Variants in ATP7A observed in about 807,000 individuals in gnomAD.
The protein encoded by ATP7A is ATPase copper transporting alpha, also known as copper-transporting ATPase 1.
In ATP7A, 7 loss-of-function variants were observed where a neutral mutation model predicts 83.5. The ratio of observed to expected loss-of-function variants is 0.08; its 90% confidence interval spans 0.05 to 0.16. ATP7A has a LOEUF of 0.16. Ranked by LOEUF, ATP7A falls within the 10% of genes least tolerant of loss-of-function variation. The pLI, the probability that ATP7A is intolerant of heterozygous loss-of-function variation, is 1.00. For missense variants in ATP7A, 940 were observed against 1,120.8 expected (o/e 0.84, Z 2.30); for synonymous variants, 354 against 395.2 (o/e 0.90, Z 1.24).
chrX:77,914,229 TATTA>T (rs1299556745), intron 1 of ATP7A, among the ~76,000 whole-genome samples: 4 of 110,280 alleles, frequency 3.6e-5, no homozygotes, highest in South Asian at 3.7e-4. Context: ...GCTACTTATT[TATTA>T]ATTAATTATT....
intron 1 of ATP7A, chrX:77,966,927 G>A (rs781980903): frequency 2.1e-5 from 6 of 289,013 alleles, no homozygotes; most frequent in South Asian, 6.2e-5. Flanking sequence ...AGCAGGCTCC[G>A]GTGTGTGATG....
chrX:77,931,009 C>CTTTTTTTTTTTTT (rs11379657), intron 1 of ATP7A, among the ~76,000 whole-genome samples: 19 of 67,245 alleles, frequency 2.8e-4, no homozygotes, highest in East Asian at 4.8e-4. Context: ...TTTTTTTTAC[C>CTTTTTTTTTTTTT]TTTTTTTTTA....
At chrX:77,948,645 A>G in intron 1 of ATP7A, among the ~76,000 whole-genome samples, 1 of 111,464 alleles carries the variant, frequency 9.0e-6, no homozygotes, top group East Asian at 2.8e-4. Context: ...CCATGGCTTT[A>G]TAGGGCAAAC....
intron 1 of ATP7A, chrX:77,963,278 G>A (rs1249381640): frequency 5.2e-5 from 6 of 115,708 alleles, no homozygotes; most frequent in African/African-American, 1.9e-4. Context: ...ATGGACCAAG[G>A]GAGATAACTT....
chrX:77,993,204 A>T (rs782658130), intron 4 of ATP7A, among the ~76,000 whole-genome samples: 6 of 112,264 alleles, frequency 5.3e-5, no homozygotes, highest in African/African-American at 1.9e-4. Flanking sequence ...TTTCATGTTC[A>T]AATGTGGTAT....
intron 14 of ATP7A, among the ~76,000 whole-genome samples, chrX:78,027,186 G>T (rs1417977371): frequency 9.1e-6 from 1 of 109,719 alleles, no homozygotes; most frequent in African/African-American, 3.3e-5. Context: ...CTGATGACAT[G>T]ATTCTATACC....
intron 6 of ATP7A, among the ~76,000 whole-genome samples, chrX:78,008,824 C>A (rs782668517): frequency 9.2e-6 from 1 of 109,117 alleles, no homozygotes; most frequent in Non-Finnish European, 1.9e-5. Flanking sequence ...ACCAGCCTGG[C>A]CAACATGGTG....
chrX:77,951,368 C>G (rs1557226789), intron 1 of ATP7A, among the ~76,000 whole-genome samples: 1 of 111,348 alleles, frequency 9.0e-6, no homozygotes, highest in Non-Finnish European at 1.9e-5. Flanking sequence ...TGTTCTTTAA[C>G]TTGGAATTAA....
At chrX:78,030,554 A>C (rs2077976543) in intron 15 of ATP7A, among the ~76,000 whole-genome samples, 1 of 111,179 alleles carries the variant, frequency 9.0e-6, no homozygotes, top group South Asian at 3.7e-4. Flanking sequence ...AAAATCAATA[A>C]ATTAATATTG....
chrX:77,968,410 CCATGCAGATTA>C (rs2077522662), intron 1 of ATP7A, among the ~76,000 whole-genome samples: 1 of 112,321 alleles, frequency 8.9e-6, no homozygotes, highest in African/African-American at 3.2e-5. Flanking sequence ...TGTCACATCA[CCATGCAGATTA>C]CATTCATCTT....
At chrX:77,944,719 C>T (rs906510100) in intron 1 of ATP7A, among the ~76,000 whole-genome samples, 2 of 110,932 alleles carry the variant, frequency 1.8e-5, no homozygotes, top group African/African-American at 6.6e-5. Context: ...CTACCCTGCT[C>T]TCTCACTTGT....
At position 78,038,838 on chromosome X, in the gene ATP7A, G is replaced by A. The variant is rs1557237993; in HGVS notation, c.3514G>A (p.Ala1172Thr). Residue 1172 changes from alanine (A) to threonine (T), a missense_variant and splice_region_variant, in exon 18 of 23, where the codon GCT becomes ACT. Coordinates refer to ENST00000341514, the MANE Select transcript of ATP7A (RefSeq NM_000052.7). ...SMIIDAQISN[A>T]LNAQQYKVLI... Reference sequence around the variant, plus strand: ...GTTATTTCTGTGCCTACTTTCAGATGCTCTTAATGCTCAGCAGTATAAAGT... The same window carrying A: ...GTTATTTCTGTGCCTACTTTCAGATACTCTTAATGCTCAGCAGTATAAAGT... 3.3e-6 allele frequency: 4 copies of A among 1,209,713 alleles called. No individual in the cohort carries two copies. The highest frequency in any genetic ancestry group is 3.5e-5 in the South Asian group (2 of 56,816).
At chrX:77,934,692 T>C (rs1557224906) in intron 1 of ATP7A, among the ~76,000 whole-genome samples, 1 of 110,464 alleles carries the variant, frequency 9.1e-6, no homozygotes, top group Non-Finnish European at 1.9e-5. Flanking sequence ...ACTCTAAAAG[T>C]TTCAGATTTT....
chrX:78,030,343 GC>G (rs782763117), intron 15 of ATP7A, among the ~76,000 whole-genome samples: 1 of 109,790 alleles, frequency 9.1e-6, no homozygotes, highest in African/African-American at 3.3e-5. Context: ...AATCGCTTGA[GC>G]CCGGAGGGCA....
chrX:78,011,239 C>G lies in ATP7A; in HGVS notation c.1933C>G (p.Arg645Gly). The G allele has an allele frequency of 8.3e-7, 1 of 1,208,225 alleles. No homozygotes were observed. The highest frequency in any genetic ancestry group is 1.1e-6 in the Non-Finnish European group (1 of 892,728). The part of the protein sequence containing the change: ...DRSASHLDHK[R>G]EIRQWRRSFL... The stretch of plus-strand genomic sequence containing the variant: ...GTCAGCAAGTCACTTAGATCATAAA[C>G]GAGAAATAAGACAGTAAGTACTTTG... Residue 645 changes from arginine to glycine, a missense_variant, in exon 8 of 23, where the codon CGA becomes GGA. By Grantham distance (125) the Arg-to-Gly change is moderately radical (BLOSUM62 -2). Transcript: ENST00000341514.
At chrX:77,945,582 G>A (rs1169031260) in intron 1 of ATP7A, among the ~76,000 whole-genome samples, 1 of 112,142 alleles carries the variant, frequency 8.9e-6, no homozygotes, top group Admixed American at 9.5e-5. Context: ...TTTATGTTGT[G>A]TTTATAGGCC....
intron 1 of ATP7A, among the ~76,000 whole-genome samples, chrX:77,930,095 G>T (rs1557224022): frequency 8.9e-6 from 1 of 112,141 alleles, no homozygotes; most frequent in Admixed American, 9.5e-5. Context: ...ATATTAATGA[G>T]AAGTGAGCTC....
intron 11 of ATP7A, 28 bp downstream of exon 11, chrX:78,014,781 C>CT (rs1224395039): frequency 5.6e-6 from 6 of 1,080,789 alleles, no homozygotes; most frequent in South Asian, 1.9e-5. Context: ...TCCCTCTTCT[C>CT]TTTTTTTAAC....
rs1037996668 is a variant in ATP7A, at chrX:78,049,731, T to C, written c.*3161T>C. 1 of 112,819 alleles carries C rather than the reference T, an allele frequency of 8.9e-6. No individual in the cohort carries two copies. The highest frequency in any genetic ancestry group is 1.9e-5 in the Non-Finnish European group (1 of 53,283). The allele number at this position is 112,819 out of a possible 1,213,427, so 9.3% of individuals were successfully genotyped here. On this transcript the variant is annotated 3_prime_UTR_variant, in exon 23 of 23. Coordinates refer to ENST00000341514, the MANE Select transcript of ATP7A (RefSeq NM_000052.7). Reference sequence around the variant, plus strand: ...ATGTATAGAATGCTTAAAATAGCACTGTAGACAAGATGTTTCCAAAACTTT... The same window carrying C: ...ATGTATAGAATGCTTAAAATAGCACCGTAGACAAGATGTTTCCAAAACTTT...
Sources: gnomAD v4.1 joint callset for allele counts (sites outside exome capture counted in the v4.1 genomes callset) on GRCh38, gnomAD v4.1.1 for gene constraint, MANE v1.5 for transcripts, NCBI Gene and HGNC (gene_info 2026-07-23, HGNC 2026-07-21) for gene names.